The following BRINP3 variants were observed in gnomAD, a reference collection of about 807,000 sequenced individuals.
BRINP3 encodes BMP/retinoic acid-inducible neural-specific protein 3.
Under a neutral mutation model 71.0 loss-of-function variants are expected in BRINP3, and 19 were observed. The ratio of observed to expected loss-of-function variants is 0.27; its 90% CI spans 0.19 to 0.39. The LOEUF (loss-of-function observed/expected upper bound fraction) is 0.39. Ranked by LOEUF, BRINP3 falls within the 10% of genes least tolerant of loss-of-function variation. The pLI is 1.00. For missense variants in BRINP3, 959 were observed against 940.8 expected (o/e 1.02, Z -0.25); for synonymous variants, 380 against 337.7 (o/e 1.13, Z -1.37).
At chr1:190,277,177 G>A (rs1049430272) in intron 3 of BRINP3, among the ~76,000 whole-genome samples, 1 of 134,324 alleles carries the variant, frequency 7.4e-6, no homozygotes, top group Non-Finnish European at 1.6e-5. Flanking sequence ...ATTGTTTTTT[G>A]TAAACAATCC....
intron 6 of BRINP3, chr1:190,217,101 A>G (rs1376419452): frequency 6.6e-6 from 1 of 151,926 alleles, no homozygotes; most frequent in Non-Finnish European, 1.5e-5. Flanking sequence ...ACAAATTAGT[A>G]TGTCTTGCAC....
intron 2 of BRINP3, among the ~76,000 whole-genome samples, chr1:190,285,719 G>C (rs896697714): frequency 6.6e-6 from 1 of 151,632 alleles, no homozygotes; most frequent in Non-Finnish European, 1.5e-5. Flanking sequence ...AAGGGGTGAG[G>C]GTTTGTTTTT....
chr1:190,473,773 A>ATTTTTTT (rs200647038), intron 1 of BRINP3, among the ~76,000 whole-genome samples: 1 of 142,414 alleles, frequency 7.0e-6, no homozygotes, highest in Non-Finnish European at 1.5e-5. Flanking sequence ...ATAATTTTCT[A>ATTTTTTT]TTTTTTTTTT....
At chr1:190,341,116 T>C (rs1667628301) in intron 2 of BRINP3, among the ~76,000 whole-genome samples, 1 of 151,808 alleles carries the variant, frequency 6.6e-6, no homozygotes, top group South Asian at 2.1e-4. Context: ...GGTCCAGTCA[T>C]CTGGAATTTA....
chr1:190,175,057 G>A (rs575873707), intron 6 of BRINP3, among the ~76,000 whole-genome samples: 140 of 152,230 alleles, frequency 9.2e-4, no homozygotes, highest in African/African-American at 2.9e-3. Context: ...CTGAGAGCCC[G>A]ATGCTTTGCA....
chr1:190,299,739 A>G (rs1457676855), intron 2 of BRINP3, among the ~76,000 whole-genome samples: 1 of 151,904 alleles, frequency 6.6e-6, no homozygotes, highest in Non-Finnish European at 1.5e-5. Context: ...CTTTTAGGGC[A>G]GGCCTGGTGG....
intron 2 of BRINP3, among the ~76,000 whole-genome samples, chr1:190,298,341 T>G (rs1664409627): frequency 6.6e-6 from 1 of 152,102 alleles, no homozygotes; most frequent in Non-Finnish European, 1.5e-5. Flanking sequence ...ACTTCATTGA[T>G]TTTTGCTATT....
chr1:190,351,613 T>C (rs1026930790), intron 2 of BRINP3, among the ~76,000 whole-genome samples: 1 of 152,074 alleles, frequency 6.6e-6, no homozygotes, highest in Non-Finnish European at 1.5e-5. Flanking sequence ...GAAAATACAA[T>C]GGTCATTCCA....
chr1:190,426,192 TGAA>T (rs1269708730), intron 2 of BRINP3, among the ~76,000 whole-genome samples: 2 of 151,758 alleles, frequency 1.3e-5, no homozygotes, highest in African/African-American at 4.8e-5. Flanking sequence ...TGTTTCTAAG[TGAA>T]GAAGTAAAAT....
At chr1:190,122,987 A>G (rs1653801293) in intron 7 of BRINP3, among the ~76,000 whole-genome samples, 1 of 141,392 alleles carries the variant, frequency 7.1e-6, no homozygotes, top group Non-Finnish European at 1.5e-5. Flanking sequence ...TTCTGTTGGG[A>G]CAGACAGTTG....
chr1:190,295,647 TA>T (rs951193886), intron 2 of BRINP3, among the ~76,000 whole-genome samples: 2 of 152,080 alleles, frequency 1.3e-5, no homozygotes, highest in African/African-American at 4.8e-5. Context: ...CAGAGACGTC[TA>T]AATGCCTCTT....
chr1:190,407,477 T>C (rs2102390933), intron 2 of BRINP3, among the ~76,000 whole-genome samples: 1 of 152,284 alleles, frequency 6.6e-6, no homozygotes, highest in African/African-American at 2.4e-5. Flanking sequence ...CAGTCAATGA[T>C]ACTGACACTC....
chr1:190,178,019 G>A (rs1652698614), intron 6 of BRINP3, among the ~76,000 whole-genome samples: 1 of 152,004 alleles, frequency 6.6e-6, no homozygotes, highest in African/African-American at 2.4e-5. Context: ...GCTTATAAGA[G>A]GATTTGTGTC....
intron 6 of BRINP3, among the ~76,000 whole-genome samples, chr1:190,221,440 G>A (rs1656884578): frequency 6.6e-6 from 1 of 151,982 alleles, no homozygotes; most frequent in African/African-American, 2.4e-5. Flanking sequence ...AAAATGAAAA[G>A]CAACAAATTA....
At chr1:190,446,277 T>G (rs1675214810) in intron 2 of BRINP3, among the ~76,000 whole-genome samples, 1 of 152,060 alleles carries the variant, frequency 6.6e-6, no homozygotes, top group South Asian at 2.1e-4. Context: ...TTTTGGTTAT[T>G]AATGTGTTTT....
intron 1 of BRINP3, among the ~76,000 whole-genome samples, chr1:190,465,784 A>T (rs1173212529): frequency 6.6e-6 from 1 of 151,944 alleles, no homozygotes; most frequent in Non-Finnish European, 1.5e-5. Flanking sequence ...ACAAGTCTTT[A>T]ACAAGTATTA....
At chr1:190,114,860 T>C (rs1557979082) in intron 7 of BRINP3, among the ~76,000 whole-genome samples, 2 of 152,210 alleles carry the variant, frequency 1.3e-5, no homozygotes, top group Non-Finnish European at 2.9e-5. Context: ...GTTTTGTATT[T>C]CTGGAACCCC....
rs1180735123 is a variant in BRINP3, at chr1:190,161,964, T to C, written c.962-1074A>G. 2.0e-5 allele frequency among the ~76,000 whole-genome samples: 3 copies of C among 152,194 alleles called. No homozygotes were observed. The East Asian group carries it at 5.8e-4, about 29-fold the overall frequency. ...AATGCAACTTTTTAACAATTCACAG[T>C]GAATTATATTCATGAACATTGGGTT... On this transcript the variant is annotated intron_variant, in intron 6 of 7. Coordinates refer to ENST00000367462, the MANE Select transcript of BRINP3 (RefSeq NM_199051.3).
At chr1:190,427,223 G>A (rs1359566817) in intron 2 of BRINP3, among the ~76,000 whole-genome samples, 1 of 151,678 alleles carries the variant, frequency 6.6e-6, no homozygotes, top group Non-Finnish European at 1.5e-5. Context: ...ATTTGGCCAG[G>A]GTGCTTGTGT....
Sources: allele counts gnomAD v4.1 joint callset (sites outside exome capture counted in the v4.1 genomes callset), GRCh38; gene constraint gnomAD v4.1.1; transcripts MANE v1.5; gene names NCBI Gene and HGNC (gene_info 2026-07-23, HGNC 2026-07-21).